SERPINA3: variants seen among roughly 807,000 people sequenced by gnomAD.
SERPINA3 encodes the protein serpin family A member 3.
Under a neutral mutation model 26.8 loss-of-function variants are expected in SERPINA3, and 32 were observed. The ratio of observed to expected loss-of-function variants is 1.20; its 90% CI spans 0.90 to 1.61. The LOEUF is 1.61. SERPINA3 is among the 40% of genes most tolerant of loss of function. The pLI is 0.00. For synonymous variants in SERPINA3, 252 were observed against 206.4 expected, an observed-to-expected ratio of 1.22 and a Z score of -1.89; for missense variants, 632 against 517.9, an observed-to-expected ratio of 1.22 and a Z score of -2.14.
chr14:94,622,785 G>A, intron 4 of SERPINA3: 2 of 454,160 alleles, frequency 4.4e-6, no homozygotes, highest in East Asian at 8.9e-5. Context: ...AACAATTAAA[G>A]TCCTCCACCC....
intron 2 of SERPINA3, among the ~76,000 whole-genome samples, chr14:94,615,769 TCCAGTGC>T (rs1417875421): frequency 2.6e-5 from 4 of 152,154 alleles, no homozygotes; most frequent in African/African-American, 7.2e-5. Context: ...TTCTAACTGG[TCCAGTGC>T]CCAATCCCAT....
At chr14:94,623,013 C>T (rs1017444502) in intron 4 of SERPINA3, among the ~76,000 whole-genome samples, 39 of 152,336 alleles carry the variant, frequency 2.6e-4, no homozygotes, top group African/African-American at 8.9e-4. Context: ...CTCTTGTCTG[C>T]CCTCTGTGCT....
At chr14:94,623,106 A>G (rs1056385138) in intron 4 of SERPINA3, among the ~76,000 whole-genome samples, 1 of 152,136 alleles carries the variant, frequency 6.6e-6, no homozygotes, top group African/African-American at 2.4e-5. Flanking sequence ...GCAGACCCGT[A>G]TGGTTCAGGA....
At position 94,615,187 on chromosome 14, in the gene SERPINA3, C is replaced by CAAA. The variant is rs1239818402; in HGVS notation, c.643+103_643+104insAAA. On this transcript the variant is annotated intron_variant, in intron 2 of 4. Coordinates refer to ENST00000393078, the MANE Select transcript of SERPINA3 (RefSeq NM_001085.5). ...AGGCAAACCACTGTAGAGGAGAGTG[C>CAAA]CCACAGCATGGGGGCAGCATAAGCA... 28 of 1,287,414 alleles carry CAAA rather than the reference C, an allele frequency of 2.2e-5. No homozygotes were observed. The Admixed American group carries it at 2.4e-4, about 11-fold the overall frequency. The allele number at this position is 1,287,414 out of a possible 1,614,324, so 79.7% of individuals were successfully genotyped here. A position where few individuals can be genotyped will look rare whatever the true frequency, so the allele number is the denominator to read the frequency against.
intron 2 of SERPINA3, chr14:94,618,669 C>T (rs1039652643): frequency 4.2e-5 from 8 of 192,294 alleles, no homozygotes; most frequent in Non-Finnish European, 8.7e-5. Context: ...CTGTTCCTCC[C>T]CTCATTCACA....
chr14:94,617,154 G>C (rs1886034201), intron 2 of SERPINA3, among the ~76,000 whole-genome samples: 1 of 152,170 alleles, frequency 6.6e-6, no homozygotes, highest in South Asian at 2.1e-4. Context: ...TCACATGGAG[G>C]CCACAGAAGC....
chr14:94,622,234 G>T, intron 3 of SERPINA3, 107 bp from the exon 4 acceptor site: 1 of 977,716 alleles, frequency 1.0e-6, no homozygotes. Context: ...TTTCCAATCA[G>T]AAGGGGGTGA....
Position 94,622,508 on chromosome 14 carries a change from G to T in SERPINA3, c.1068+17G>T. The stretch of plus-strand genomic sequence containing the variant: ...GTCTCCCAGGTGAGTCTTTAGACTT[G>T]GGTCAATTCATCCTTTGTATCCGAA... On this transcript the variant is annotated intron_variant, in intron 4 of 4. Coordinates refer to ENST00000393078, the MANE Select transcript of SERPINA3 (RefSeq NM_001085.5). 1 of 1,613,750 alleles carries T rather than the reference G, an allele frequency of 6.2e-7. No individual in the cohort carries two copies. Among genetic ancestry groups the T allele is most frequent in the Non-Finnish European group, 8.5e-7 (1 of 1,179,836 alleles).
intron 4 of SERPINA3, 26 bp from the exon 5 acceptor site, chr14:94,623,585 T>C (rs1193177437): frequency 1.7e-5 from 28 of 1,609,328 alleles, no homozygotes; most frequent in Non-Finnish European, 2.4e-5. Context: ...GTGTTTCCCG[T>C]GTGTAATGTT....
At chr14:94,617,780 A>G (rs1009858667) in intron 2 of SERPINA3, 7 of 152,158 alleles carry the variant, frequency 4.6e-5, no homozygotes, top group African/African-American at 1.7e-4. Context: ...GGAGCCCACA[A>G]CCTAGAGAAA....
chr14:94,623,591 A>ATAT lies in SERPINA3; in HGVS notation c.1069-19_1069-18insATT. On this transcript the variant is annotated intron_variant, in intron 4 of 4. Transcript: ENST00000393078. ...TGCGCATCTGTGTTTCCCGTGTGTA[A>ATAT]TGTTCTGCTGTCCCCACAGGTGGTC... The ATAT allele has an allele frequency of 6.2e-7, 1 of 1,612,310 alleles. No homozygotes were observed. Among genetic ancestry groups the ATAT allele is most frequent in the Non-Finnish European group, 8.5e-7 (1 of 1,178,928 alleles).
intron 2 of SERPINA3, 181 bp from the exon 3 acceptor site, chr14:94,619,014 A>G (rs543152005): frequency 4.0e-5 from 28 of 692,164 alleles, no homozygotes; most frequent in South Asian, 2.7e-4. Context: ...CCTTTTCCCA[A>G]TCCAAGCCTG....
intron 1 of SERPINA3, 186 bp from the exon 2 acceptor site, chr14:94,614,248 C>A (rs1291281331): frequency 6.4e-6 from 4 of 622,434 alleles, no homozygotes; most frequent in Non-Finnish European, 1.1e-5. Context: ...TGGTACCTAC[C>A]TCAAAGGGTG....
chr14:94,615,600 G>T, intron 2 of SERPINA3: 1 of 343,876 alleles, frequency 2.9e-6, no homozygotes, highest in South Asian at 2.1e-5. Context: ...AAGGAGCCTG[G>T]CCACTTCCAA....
At position 94,619,469 on chromosome 14, in the gene SERPINA3, G is replaced by T. The variant is rs111299543; in HGVS notation, c.917+1G>T. The T allele has an allele frequency of 1.2e-6, 2 of 1,613,970 alleles. No homozygotes were observed. The highest frequency in any genetic ancestry group is 1.7e-6 in the Non-Finnish European group (2 of 1,179,980). Reference sequence around the variant, plus strand: ...GGTGGAGAGACTCTCTGGAGTTCAGGTGATTCTTCCTGGCCCCCAAAGACC... The same window carrying T: ...GGTGGAGAGACTCTCTGGAGTTCAGTTGATTCTTCCTGGCCCCCAAAGACC... On this transcript the variant is annotated splice_donor_variant, in intron 3 of 4. Transcript: ENST00000393078. LOFTEE classifies it high-confidence loss of function.
Position 94,619,246 on chromosome 14 carries a change from A to C in SERPINA3, c.695A>C (p.Tyr232Ser). The part of the protein sequence containing the change: ...DPQDTHQSRF[Y>S]LSKKKWVMVP... The stretch of plus-strand genomic sequence containing the variant: ...CAAGATACTCATCAGTCAAGGTTCT[A>C]CTTGAGCAAGAAAAAGTGGGTAATG... Residue 232 changes from tyrosine (Y) to serine (S), a missense_variant, in exon 3 of 5, where the codon TAC becomes TCC. Transcript: ENST00000393078. 1.2e-6 allele frequency: 2 copies of C among 1,614,116 alleles called. No individual in the cohort carries two copies. Among genetic ancestry groups the C allele is most frequent in the Non-Finnish European group, 1.7e-6 (2 of 1,180,012 alleles).
At chr14:94,619,148 G>A (rs368584926) in intron 2 of SERPINA3, 47 bp from the exon 3 acceptor site, 1 of 1,610,366 alleles carries the variant, frequency 6.2e-7, no homozygotes, top group Non-Finnish European at 8.5e-7. Context: ...GTCGAGCAGG[G>A]CGACCCTTGC....
At chr14:94,623,530 AC>A in intron 4 of SERPINA3, 80 bp from the exon 5 acceptor site, 1 of 1,284,338 alleles carries the variant, frequency 7.8e-7, no homozygotes, top group Non-Finnish European at 1.1e-6. Context: ...TGCACATTAG[AC>A]CCCTTAGTGG....
intron 2 of SERPINA3, 139 bp downstream of exon 2, chr14:94,615,223 AC>A: frequency 1.1e-6 from 1 of 951,628 alleles, no homozygotes; most frequent in Non-Finnish European, 1.7e-6. Context: ...TCAAGGCCCC[AC>A]CCTGCCCATA....
Sources: gnomAD v4.1 joint callset for allele counts (sites outside exome capture counted in the v4.1 genomes callset) on GRCh38, gnomAD v4.1.1 for gene constraint, MANE v1.5 for transcripts, NCBI Gene and HGNC (gene_info 2026-07-23, HGNC 2026-07-21) for gene names.